The following CCDC191 variants were observed in gnomAD, a reference collection of about 807,000 sequenced individuals.
The protein encoded by CCDC191 is coiled-coil domain-containing protein 191.
In CCDC191, 99 loss-of-function variants were observed where a neutral mutation model predicts 114.0. The ratio of observed to expected loss-of-function variants is 0.87; its 90% CI spans 0.74 to 1.03. CCDC191 has a LOEUF of 1.03. Ranked by LOEUF, CCDC191 falls within the 50% of genes least tolerant of loss-of-function variation. The pLI is 0.00. For synonymous variants in CCDC191, 351 were observed against 376.0 expected (o/e 0.93, Z 0.77); for missense variants, 973 against 1,087.0 (o/e 0.90, Z 1.47).
chr3:113,984,053 A>ATAT (rs1366677227), intron 13 of CCDC191: 1 of 152,212 alleles, frequency 6.6e-6, no homozygotes, highest in Non-Finnish European at 1.5e-5. Flanking sequence ...CTCTTGCTGA[A>ATAT]TATAGAGGAC....
At chr3:113,991,434 A>G (rs1171951598) in intron 13 of CCDC191, among the ~76,000 whole-genome samples, 2 of 152,210 alleles carry the variant, frequency 1.3e-5, no homozygotes, top group African/African-American at 2.4e-5. Flanking sequence ...AGAAAACTAC[A>G]TGATCATATC....
chr3:114,033,627 T>C (rs1393197495), intron 6 of CCDC191, among the ~76,000 whole-genome samples: 1 of 152,238 alleles, frequency 6.6e-6, no homozygotes, highest in African/African-American at 2.4e-5. Context: ...ATTTGTTGAG[T>C]GCCCACTGTG....
intron 9 of CCDC191, among the ~76,000 whole-genome samples, chr3:114,009,038 A>C (rs1281575853): frequency 6.6e-6 from 1 of 152,182 alleles, no homozygotes; most frequent in Non-Finnish European, 1.5e-5. Flanking sequence ...ACACATGGGA[A>C]GTATTTGCAT....
Position 114,005,610 on chromosome 3 carries a change from G to C in CCDC191, c.1766C>G (p.Ala589Gly). 6.2e-7 allele frequency: 1 copy of C among 1,614,144 alleles called. No individual in the cohort carries two copies. The highest frequency in any genetic ancestry group is 2.2e-5 in the East Asian group (1 of 44,882). Residue 589 changes from alanine (A) to glycine (G), a missense_variant, in exon 10 of 17, where the codon GCT (alanine) becomes GGT (glycine). Ala to Gly is a moderately conservative substitution (Grantham distance 60, BLOSUM62 0). Coordinates refer to ENST00000295878, the MANE Select transcript of CCDC191 (RefSeq NM_020817.2). ...ELKKNLQLAE[A>G]QWAAEHALAV... ...TAAGGCATGCTCTGCTGCCCACTGA[G>C]CCTCTGCCAGCTGCAGGTTTTTCTT...
chr3:113,992,052 C>T (rs1577368724), intron 13 of CCDC191, among the ~76,000 whole-genome samples: 1 of 152,134 alleles, frequency 6.6e-6, no homozygotes, highest in Non-Finnish European at 1.5e-5. Flanking sequence ...AGCTTTCTAC[C>T]ATCATATCCC....
intron 16 of CCDC191, among the ~76,000 whole-genome samples, chr3:113,974,982 G>A (rs963714034): frequency 2.0e-5 from 3 of 152,166 alleles, no homozygotes; most frequent in African/African-American, 4.8e-5. Flanking sequence ...ACATGTGGGT[G>A]TATTGTATAA....
intron 9 of CCDC191, among the ~76,000 whole-genome samples, chr3:114,009,748 C>T (rs1344384156): frequency 6.6e-6 from 1 of 152,108 alleles, no homozygotes; most frequent in Non-Finnish European, 1.5e-5. Flanking sequence ...TAGGTATTAT[C>T]CTAAGTAAAG....
At chr3:114,003,513 CAG>C (rs774795981) in intron 11 of CCDC191, 61 of 985,188 alleles carry the variant, frequency 6.2e-5, no homozygotes, top group Non-Finnish European at 7.2e-5. Flanking sequence ...CCCTAAGAAG[CAG>C]AGTCTCTGGT....
At chr3:114,038,382 T>G (rs1402339046) in intron 4 of CCDC191, among the ~76,000 whole-genome samples, 1 of 152,206 alleles carries the variant, frequency 6.6e-6, no homozygotes, top group Non-Finnish European at 1.5e-5. Flanking sequence ...CCTAGTGATG[T>G]TGTAGTCATC....
chr3:114,010,463 C>CA (rs1169155881), intron 9 of CCDC191, among the ~76,000 whole-genome samples: 1 of 152,034 alleles, frequency 6.6e-6, no homozygotes, highest in Admixed American at 6.6e-5. Context: ...GTCTGATGAT[C>CA]AAAAAGGGGA....
chr3:114,005,452 C>A, intron 10 of CCDC191, 56 bp downstream of exon 10: 1 of 1,502,904 alleles, frequency 6.7e-7, no homozygotes, highest in Admixed American at 2.2e-5. Context: ...GCTCAGGAGC[C>A]CAAAGTGAAA....
rs1278820953 is a variant in CCDC191 at position 114,035,097 on chromosome 3, C to G, written c.646G>C (p.Glu216Gln). ...REKELEYQRIEKTLKKSAFLE... is the reference protein window; with the variant it reads ...REKELEYQRIQKTLKKSAFLE... ...AAGGCCGATTTTTTCAGGGTCTTTTCTATTCTCTGGTACTCCAGTTCTTTC... is the reference window on the plus strand; with the variant it reads ...AAGGCCGATTTTTTCAGGGTCTTTTGTATTCTCTGGTACTCCAGTTCTTTC... The change falls in exon 6 of 17, where the codon GAA becomes CAA. Residue 216 changes from glutamate to glutamine, a missense_variant. Physicochemically the swap from Glu to Gln is conservative, Grantham distance 29. Transcript: ENST00000295878. The G allele has an allele frequency of 6.2e-7, 1 of 1,614,066 alleles. No homozygotes were observed. The highest frequency in any genetic ancestry group is 8.5e-7 in the Non-Finnish European group (1 of 1,179,974).
rs373015779 is a variant in CCDC191 at position 113,968,626 on chromosome 3, G to GTT, written c.2607-3269_2607-3268dup. Among the ~76,000 whole-genome samples, 71 of 137,004 alleles carry GTT rather than the reference G, an allele frequency of 5.2e-4. 1 individual carries two copies. In the South Asian group the frequency reaches 7.4e-3, roughly 14 times the overall value. The allele number at this position is 137,004 out of a possible 152,430, so 89.9% of individuals were successfully genotyped here. On this transcript the variant is annotated intron_variant, in intron 16 of 16. Transcript: ENST00000295878. The stretch of plus-strand genomic sequence containing the variant: ...CATGACTCCTGGCTAATAGTTTTTT[G>GTT]TTTTTTTTTTTTTGGTAGAGATGGG...
chr3:114,041,592 C>G (rs1249332331), intron 4 of CCDC191, among the ~76,000 whole-genome samples: 1 of 152,122 alleles, frequency 6.6e-6, no homozygotes, highest in Non-Finnish European at 1.5e-5. Flanking sequence ...TAGAAGATCT[C>G]TATCTGGGTT....
intron 1 of CCDC191, among the ~76,000 whole-genome samples, chr3:114,055,702 G>A (rs2076763912): frequency 6.6e-6 from 1 of 152,168 alleles, no homozygotes; most frequent in Non-Finnish European, 1.5e-5. Context: ...GGTAGTCTGT[G>A]GAAAGCACAC....
intron 8 of CCDC191, among the ~76,000 whole-genome samples, chr3:114,018,243 G>A (rs967768604): frequency 1.3e-5 from 2 of 152,000 alleles, no homozygotes; most frequent in African/African-American, 4.8e-5. Context: ...GATGGTCCAG[G>A]GTACAATGCT....
At chr3:113,979,156 A>C in intron 14 of CCDC191, 146 bp from the exon 15 acceptor site, 1 of 740,764 alleles carries the variant, frequency 1.3e-6, no homozygotes, top group Admixed American at 2.6e-5. Flanking sequence ...GTGTCCTAAA[A>C]GCTTTGACTG....
intron 9 of CCDC191, among the ~76,000 whole-genome samples, chr3:114,008,223 A>G (rs1224530392): frequency 6.6e-6 from 1 of 150,820 alleles, no homozygotes; most frequent in Non-Finnish European, 1.5e-5. Flanking sequence ...TTGTAAGGTA[A>G]AAGGTTCCAT....
intron 2 of CCDC191, among the ~76,000 whole-genome samples, chr3:114,052,116 A>G (rs748667822): frequency 1.3e-5 from 2 of 152,224 alleles, no homozygotes; most frequent in Non-Finnish European, 2.9e-5. Flanking sequence ...TATCCAAAAC[A>G]TTAGATATGA....
Sources: gnomAD v4.1 joint callset for allele counts (sites outside exome capture counted in the v4.1 genomes callset) on GRCh38, gnomAD v4.1.1 for gene constraint, MANE v1.5 for transcripts, NCBI Gene and HGNC (gene_info 2026-07-23, HGNC 2026-07-21) for gene names.